SNX14: variants seen among roughly 807,000 people sequenced by gnomAD.
The protein encoded by SNX14 is sorting nexin-14.
A neutral mutation model predicts 133.8 loss-of-function variants in SNX14; 93 were observed. The ratio of observed to expected loss-of-function variants is 0.70; its 90% CI spans 0.59 to 0.83. SNX14 has a LOEUF of 0.83. SNX14 is among the 40% of genes least tolerant of loss of function. SNX14 has a pLI of 0.00. For synonymous variants in SNX14, 368 were observed against 365.6 expected (o/e 1.01, Z -0.07); for missense variants, 945 against 1,094.9 (o/e 0.86, Z 1.93).
intron 26 of SNX14, among the ~76,000 whole-genome samples, chr6:85,512,666 G>C (rs1178489969): frequency 6.6e-6 from 1 of 151,288 alleles, no homozygotes; most frequent in Non-Finnish European, 1.5e-5. Flanking sequence ...CCATGACTTG[G>C]TTCCCCTGGA....
At chr6:85,528,457 T>G in intron 19 of SNX14, 95 bp from the exon 20 acceptor site, 1 of 863,168 alleles carries the variant, frequency 1.2e-6, no homozygotes, top group South Asian at 1.9e-5. Context: ...ACATTCAGAT[T>G]AGCAATACTG....
chr6:85,552,044 T>C (rs1787997410), intron 7 of SNX14, among the ~76,000 whole-genome samples: 1 of 147,270 alleles, frequency 6.8e-6, no homozygotes. Flanking sequence ...TTTTTTTTTT[T>C]TTTTTTTTTT....
At chr6:85,568,928 T>A (rs1291594934) in intron 4 of SNX14, among the ~76,000 whole-genome samples, 2 of 152,100 alleles carry the variant, frequency 1.3e-5, no homozygotes, top group East Asian at 3.9e-4. Flanking sequence ...AATCACCAAG[T>A]CCTACTGATT....
chr6:85,532,146 G>A (rs1582682567), intron 18 of SNX14, among the ~76,000 whole-genome samples: 1 of 152,114 alleles, frequency 6.6e-6, no homozygotes, highest in South Asian at 2.1e-4. Context: ...AACCTTTTAA[G>A]ATAAAGCATA....
At chr6:85,509,418 T>G (rs951711657) in intron 26 of SNX14, among the ~76,000 whole-genome samples, 1 of 152,204 alleles carries the variant, frequency 6.6e-6, no homozygotes, top group Admixed American at 6.5e-5. Context: ...AGAGCAGATA[T>G]TTAAGTTAAT....
rs144723196 is a variant in SNX14 at position 85,555,994 on chromosome 6, A to AT, written c.634+1981dup. ...CTAGAGCGAAACTGCGTCTCAAAAAATAAAAAAAAAAAACACCAAAAATCT... is the reference window on the plus strand; with the variant it reads ...CTAGAGCGAAACTGCGTCTCAAAAAATTAAAAAAAAAAAACACCAAAAATCT... On this transcript the variant is annotated intron_variant, in intron 7 of 28. Coordinates refer to ENST00000314673, the MANE Select transcript of SNX14 (RefSeq NM_153816.6). Among the ~76,000 whole-genome samples, 1,197 of 151,956 alleles carry AT rather than the reference A, an allele frequency of 7.9e-3. 19 individuals carry two copies. The highest frequency in any genetic ancestry group is 0.028 in the African/African-American group (1,146 of 41,394).
At chr6:85,548,433 C>T (rs1432084248) in intron 8 of SNX14, 57 bp from the exon 9 acceptor site, 4 of 1,285,872 alleles carry the variant, frequency 3.1e-6, no homozygotes, top group Middle Eastern at 2.5e-4. Flanking sequence ...TAGTTCTTAA[C>T]TTTCAAGTGC....
At chr6:85,585,318 G>T (rs1457303887) in intron 1 of SNX14, among the ~76,000 whole-genome samples, 1 of 151,862 alleles carries the variant, frequency 6.6e-6, no homozygotes, top group Non-Finnish European at 1.5e-5. Context: ...AAACCACCAT[G>T]GCACATGTAT....
At chr6:85,518,120 C>G in intron 21 of SNX14, 72 bp from the exon 22 acceptor site, 1 of 1,240,742 alleles carries the variant, frequency 8.1e-7, no homozygotes, top group Non-Finnish European at 1.1e-6. Flanking sequence ...GAATACTTAA[C>G]CAGGTAATTT....
At chr6:85,532,511 G>A (rs1780607859) in intron 18 of SNX14, among the ~76,000 whole-genome samples, 1 of 152,110 alleles carries the variant, frequency 6.6e-6, no homozygotes, top group Non-Finnish European at 1.5e-5. Flanking sequence ...AGAATAATTA[G>A]CACTGATCTT....
intron 6 of SNX14, among the ~76,000 whole-genome samples, chr6:85,560,479 T>C (rs1400982487): frequency 6.6e-6 from 1 of 152,142 alleles, no homozygotes; most frequent in Non-Finnish European, 1.5e-5. Flanking sequence ...TGGCTATGGA[T>C]GAAGGGATAG....
intron 26 of SNX14, among the ~76,000 whole-genome samples, chr6:85,511,096 A>G (rs1362586694): frequency 2.0e-5 from 3 of 152,202 alleles, no homozygotes; most frequent in Admixed American, 6.5e-5. Flanking sequence ...TTCTTTAATT[A>G]AAGTTTTACA....
chr6:85,544,166 T>G lies in SNX14; in HGVS notation c.1109-406A>C, dbSNP rs1057270072. ...ATGTTTTTAAACAATATTTCTATCA[T>G]GAACGCTGCAAACTAGTGGCAGAAC... On this transcript the variant is annotated intron_variant, in intron 12 of 28. Transcript: ENST00000314673. Among the ~76,000 whole-genome samples, 9 of 152,200 alleles carry G rather than the reference T, an allele frequency of 5.9e-5. No individual in the cohort carries two copies. The East Asian group carries it at 1.2e-3, about 19-fold the overall frequency.
intron 12 of SNX14, among the ~76,000 whole-genome samples, chr6:85,545,993 AT>A (rs1234629904): frequency 6.6e-6 from 1 of 152,134 alleles, no homozygotes; most frequent in African/African-American, 2.4e-5. Context: ...CAAACTACTT[AT>A]TTAGACAAAA....
At chr6:85,513,941 A>T in intron 25 of SNX14, 46 bp from the exon 26 acceptor site, 1 of 1,570,226 alleles carries the variant, frequency 6.4e-7, no homozygotes, top group Non-Finnish European at 8.7e-7. Context: ...TCATCTATTT[A>T]TACACAAAGG....
intron 7 of SNX14, among the ~76,000 whole-genome samples, chr6:85,557,392 G>C (rs1023430422): frequency 5.3e-5 from 8 of 152,172 alleles, no homozygotes; most frequent in Non-Finnish European, 1.2e-4. Context: ...GGAAAGGAAA[G>C]AAGGGAAAAC....
At chr6:85,591,229 T>C (rs1404284378) in intron 1 of SNX14, among the ~76,000 whole-genome samples, 4 of 152,172 alleles carry the variant, frequency 2.6e-5, no homozygotes, top group Non-Finnish European at 4.4e-5. Flanking sequence ...TCTGTGTGTG[T>C]GTGTGTGTAC....
chr6:85,529,783 G>T (rs916764028), intron 19 of SNX14, among the ~76,000 whole-genome samples: 1 of 151,776 alleles, frequency 6.6e-6, no homozygotes, highest in African/African-American at 2.4e-5. Flanking sequence ...AAAATAAAAA[G>T]ATTTAGAACA....
Position 85,505,965 on chromosome 6 carries a change from GT to G in SNX14, c.*1del. ...GGGTTATTCTATACCAAATCCAAGTGTTTACATCCAAGATGTCACAGAGGTA... is the reference window on the plus strand; with the variant it reads ...GGGTTATTCTATACCAAATCCAAGTGTTACATCCAAGATGTCACAGAGGTA... On this transcript the variant is annotated 3_prime_UTR_variant, in exon 29 of 29. Transcript: ENST00000314673. 1 of 1,599,270 alleles carries G rather than the reference GT, an allele frequency of 6.3e-7. No individual in the cohort carries two copies. Among genetic ancestry groups the G allele is most frequent in the Non-Finnish European group, 8.6e-7 (1 of 1,167,006 alleles).
Sources: allele counts gnomAD v4.1 joint callset (sites outside exome capture counted in the v4.1 genomes callset), GRCh38; gene constraint gnomAD v4.1.1; transcripts MANE v1.5; gene names NCBI Gene and HGNC (gene_info 2026-07-23, HGNC 2026-07-21).